SYDE2: variants seen among roughly 807,000 people sequenced by gnomAD.
The protein encoded by SYDE2 is rho GTPase-activating protein SYDE2.
In SYDE2, 76 loss-of-function variants were observed where a neutral mutation model predicts 91.5. The ratio of observed to expected loss-of-function variants is 0.83; its 90% CI spans 0.69 to 1.01. The LOEUF (loss-of-function observed/expected upper bound fraction) is 1.01. SYDE2 is among the 50% of genes least tolerant of loss of function. SYDE2 has a pLI of 0.00. For synonymous variants in SYDE2, 513 were observed against 506.4 expected (o/e 1.01, Z -0.18); for missense variants, 1,364 against 1,367.7 (o/e 1.00, Z 0.04).
chr1:85,198,641 G>A (rs1658691893), intron 1 of SYDE2, among the ~76,000 whole-genome samples: 1 of 151,960 alleles, frequency 6.6e-6, no homozygotes, highest in Non-Finnish European at 1.5e-5. Context: ...ATTCTTAAAG[G>A]AACTATATTT....
intron 5 of SYDE2, among the ~76,000 whole-genome samples, chr1:85,165,886 TTTTTG>T (rs1657251188): frequency 3.7e-5 from 4 of 108,874 alleles, no homozygotes; most frequent in African/African-American, 2.9e-5. Flanking sequence ...TTTTTTTTTT[TTTTTG>T]GAGACAGGGT....
chr1:85,190,238 T>C lies in SYDE2; in HGVS notation c.1260A>G (p.Glu420=), dbSNP rs1250595390. The change falls in exon 2 of 7, where the codon GAA becomes GAG. Residue 420 remains glutamate, a synonymous_variant. Coordinates refer to ENST00000341460, the MANE Select transcript of SYDE2 (RefSeq NM_032184.2). Reference sequence around the variant, plus strand: ...CATGTTCGGAAGAGCACAGTGAGTCTTCAGTATGCCGCTCTGCTTTCATCA... The same window carrying C: ...CATGTTCGGAAGAGCACAGTGAGTCCTCAGTATGCCGCTCTGCTTTCATCA... ...SDLMKAERHT[E]DSLCSSEHAG... The C allele has an allele frequency of 6.2e-7, 1 of 1,613,858 alleles. No individual in the cohort carries two copies. Among genetic ancestry groups the C allele is most frequent in the South Asian group, 1.1e-5 (1 of 91,078 alleles).
At chr1:85,160,368 T>G (rs923941529) in intron 6 of SYDE2, 1 of 876,596 alleles carries the variant, frequency 1.1e-6, no homozygotes, top group Non-Finnish European at 1.4e-6. Context: ...TAAATTTAGA[T>G]TTTATTGAAA....
chr1:85,199,728 G>GT (rs1427423889), intron 1 of SYDE2, among the ~76,000 whole-genome samples: 4 of 151,214 alleles, frequency 2.6e-5, no homozygotes, highest in Non-Finnish European at 5.9e-5. Context: ...ATTTGTTTGG[G>GT]TTTTTGGTTG....
chr1:85,159,819 G>A (rs1656992662), intron 6 of SYDE2: 2 of 973,018 alleles, frequency 2.1e-6, no homozygotes, highest in Non-Finnish European at 2.4e-6. Flanking sequence ...TGACCACTTT[G>A]TTACCTGAGT....
downstream of SYDE2, among the ~76,000 whole-genome samples, chr1:85,156,494 AC>A (rs1656885588): frequency 6.6e-6 from 1 of 152,134 alleles, no homozygotes; most frequent in South Asian, 2.1e-4. Flanking sequence ...AGGTATAAAA[AC>A]TCGCAAAAAA....
At position 85,169,234 on chromosome 1, in the gene SYDE2, A is replaced by C. The variant is rs779310766; in HGVS notation, c.2672-9T>G. Reference sequence around the variant, plus strand: ...ATAATCCTTAAGAACACCTTTAAAAAACAAACCGCAGACAGTTGGTGATTG... The same window carrying C: ...ATAATCCTTAAGAACACCTTTAAAACACAAACCGCAGACAGTTGGTGATTG... On this transcript the variant is annotated splice_polypyrimidine_tract_variant and intron_variant, in intron 4 of 6. Coordinates refer to ENST00000341460, the MANE Select transcript of SYDE2 (RefSeq NM_032184.2). 1.2e-5 allele frequency: 19 copies of C among 1,603,384 alleles called. No homozygotes were observed. The East Asian group carries it at 2.7e-4, about 23-fold the overall frequency.
chr1:85,158,905 T>C lies in SYDE2; in HGVS notation c.3430A>G (p.Lys1144Glu), dbSNP rs1462430984. ...VMIEQPIPMS[K>E]ECTFQTYLTM... is the part of the protein sequence containing the mutation. The stretch of plus-strand genomic sequence containing the variant: ...AAATATGTCTGAAATGTACACTCTT[T>C]GGACATGGGAATTGGCTGTTCAATC... The change falls in exon 7 of 7, where the codon AAA becomes GAA. Residue 1144 changes from lysine (K) to glutamate (E), a missense_variant. Physicochemically the swap from Lys to Glu is moderately conservative, Grantham distance 56 (BLOSUM62 1). Coordinates refer to ENST00000341460, the MANE Select transcript of SYDE2 (RefSeq NM_032184.2). 1 of 780,506 alleles carries C rather than the reference T, an allele frequency of 1.3e-6. No individual in the cohort carries two copies. Among genetic ancestry groups the C allele is most frequent in the African/African-American group, 1.7e-5 (1 of 59,132 alleles). The allele number at this position is 780,506 out of a possible 1,614,324, so 48.3% of individuals were successfully genotyped here.
At chr1:85,184,892 A>C (rs1570262452) in intron 2 of SYDE2, among the ~76,000 whole-genome samples, 1 of 152,048 alleles carries the variant, frequency 6.6e-6, no homozygotes, top group Non-Finnish European at 1.5e-5. Flanking sequence ...AAAAAAAAAA[A>C]AAAGATACAT....
At chr1:85,160,407 T>C (rs1657018456) in intron 6 of SYDE2, 1 of 887,682 alleles carries the variant, frequency 1.1e-6, no homozygotes, top group African/African-American at 1.8e-5. Context: ...AGGTATGTTT[T>C]TAACATTTCT....
intron 4 of SYDE2, 106 bp from the exon 5 acceptor site, chr1:85,169,331 T>C (rs1283444974): frequency 2.6e-6 from 2 of 760,614 alleles, no homozygotes; most frequent in Admixed American, 2.9e-5. Flanking sequence ...TTTCAACATT[T>C]TGAAAACAAT....
chr1:85,195,234 CT>C (rs1418591807), intron 1 of SYDE2, among the ~76,000 whole-genome samples: 1 of 151,862 alleles, frequency 6.6e-6, no homozygotes, highest in East Asian at 1.9e-4. Flanking sequence ...AATAAACTCT[CT>C]TGCTTTTCCT....
chr1:85,171,442 G>A (rs543509066), intron 4 of SYDE2, among the ~76,000 whole-genome samples: 1 of 152,212 alleles, frequency 6.6e-6, no homozygotes, highest in East Asian at 1.9e-4. Flanking sequence ...CCAAGTCGAG[G>A]AAAAATGTTT....
intron 6 of SYDE2, among the ~76,000 whole-genome samples, chr1:85,163,159 T>G (rs1056380915): frequency 6.0e-5 from 9 of 150,036 alleles, no homozygotes; most frequent in Non-Finnish European, 1.3e-4. Flanking sequence ...CAGGCTAGAG[T>G]GCACTTCCGC....
intron 3 of SYDE2, among the ~76,000 whole-genome samples, chr1:85,179,839 G>T (rs1657844779): frequency 2.0e-5 from 3 of 152,038 alleles, no homozygotes; most frequent in African/African-American, 7.2e-5. Flanking sequence ...TTGAGAAGAA[G>T]ATGAGCCTAG....
intron 1 of SYDE2, among the ~76,000 whole-genome samples, chr1:85,198,672 ATGTT>A (rs1658693028): frequency 6.6e-6 from 1 of 152,222 alleles, no homozygotes; most frequent in African/African-American, 2.4e-5. Context: ...AAATCCTTGA[ATGTT>A]TACTACTGAG....
chr1:85,165,987 C>T (rs1313398044), intron 5 of SYDE2, among the ~76,000 whole-genome samples: 1 of 151,418 alleles, frequency 6.6e-6, no homozygotes, highest in Non-Finnish European at 1.5e-5. Flanking sequence ...AATCTTTCCA[C>T]CCCAGCCTCC....
intron 5 of SYDE2, among the ~76,000 whole-genome samples, chr1:85,165,231 C>CA (rs1204271486): frequency 4.6e-5 from 7 of 151,034 alleles, no homozygotes; most frequent in Non-Finnish European, 5.9e-5. Context: ...GAGACCCTGT[C>CA]AAAAAAAAAT....
intron 3 of SYDE2, among the ~76,000 whole-genome samples, chr1:85,178,553 A>G (rs1403474074): frequency 3.3e-5 from 5 of 152,144 alleles, no homozygotes; most frequent in Non-Finnish European, 7.4e-5. Flanking sequence ...TATATGCTCA[A>G]TAAAGATCTC....
Sources: allele counts gnomAD v4.1 joint callset (sites outside exome capture counted in the v4.1 genomes callset), GRCh38; gene constraint gnomAD v4.1.1; transcripts MANE v1.5; gene names NCBI Gene and HGNC (gene_info 2026-07-23, HGNC 2026-07-21).